The following MCF2L variants were observed in gnomAD, a reference collection of about 807,000 sequenced individuals.
MCF2L encodes the protein guanine nucleotide exchange factor DBS.
Under a neutral mutation model 153.4 loss-of-function variants are expected in MCF2L, and 97 were observed. The observed-to-expected ratio is 0.63, with a 90% CI of 0.54 to 0.75. MCF2L has a LOEUF of 0.75. Ranked by LOEUF, MCF2L falls within the 30% of genes least tolerant of loss-of-function variation. The pLI, the probability that MCF2L is intolerant of heterozygous loss-of-function variation, is 0.00. For synonymous variants in MCF2L, 659 were observed against 632.2 expected (o/e 1.04, Z -0.64); for missense variants, 1,347 against 1,495.2 (o/e 0.90, Z 1.64).
Position 113,091,297 on chromosome 13 carries a change from T to A in MCF2L, c.2953+1569T>A, listed in dbSNP as rs4907485. ...TCAAGGCCACCTAAGGGGGATGCTC[T>A]CGTGGGTCTTTATGCTGCGGAGGCA... On this transcript the variant is annotated intron_variant, in intron 26 of 29. Transcript: ENST00000535094. 60 of 1,027,924 alleles carry A rather than the reference T, an allele frequency of 5.8e-5. No homozygotes were observed. In the Admixed American group the frequency reaches 6.1e-4, roughly 10 times the overall value. 63.7% of individuals were successfully genotyped at this position (1,027,924 alleles called of 1,614,324 possible).
chr13:112,996,597 T>C (rs963776973), intron 1 of MCF2L, among the ~76,000 whole-genome samples: 2 of 152,204 alleles, frequency 1.3e-5, no homozygotes, highest in Admixed American at 1.3e-4. Context: ...TGCGTCTCCA[T>C]CTTTTCTCCA....
In MCF2L at chr13:112,979,495, A is replaced by G. The variant is rs1188157891; in HGVS notation, c.79+10037A>G. 2.1e-6 allele frequency: 3 copies of G among 1,440,330 alleles called. No individual in the cohort carries two copies. In the African/African-American group the frequency reaches 4.3e-5, roughly 21 times the overall value. 89.2% of individuals were successfully genotyped at this position (1,440,330 alleles called of 1,614,324 possible). A position where few individuals can be genotyped will look rare whatever the true frequency, so the allele number is the denominator to read the frequency against. On this transcript the variant is annotated intron_variant, in intron 1 of 29. Transcript: ENST00000535094. Reference sequence around the variant, plus strand: ...TTGTGAGTTGGCGAAGCCCAGAGTCACCAGGGTCCTGAGCACCTGTCTCTT... The same window carrying G: ...TTGTGAGTTGGCGAAGCCCAGAGTCGCCAGGGTCCTGAGCACCTGTCTCTT...
chr13:112,908,945 C>G (rs1020056431), intron 2 of MCF2L, among the ~76,000 whole-genome samples: 1 of 152,016 alleles, frequency 6.6e-6, no homozygotes, highest in Non-Finnish European at 1.5e-5. Flanking sequence ...AGGATTGTCT[C>G]GATCTCCTGA....
rs2086129352 is a variant in MCF2L at position 113,035,972 on chromosome 13, C to T, written c.279-9299C>T. 6.6e-6 allele frequency among the ~76,000 whole-genome samples: 1 copy of T among 152,166 alleles called. No individual in the cohort carries two copies. ...GACCTCAGCAGGTAGAGTATCATCT[C>T]CGTGGTACAGCAGGGGCCTGAGGGA... On this transcript the variant is annotated intron_variant, in intron 3 of 29. Transcript: ENST00000535094. This position sits in a 1 kb window ranked among gnomAD's most constrained non-coding sequence, Gnocchi z 4.4.
intron 1 of MCF2L, among the ~76,000 whole-genome samples, chr13:112,978,795 T>A (rs2082299692): frequency 6.6e-6 from 1 of 152,226 alleles, no homozygotes; most frequent in Non-Finnish European, 1.5e-5. Context: ...CCTGCCACCT[T>A]CTCTTCCTGT....
chr13:112,963,026 G>A (rs1253077750), intron 2 of MCF2L, among the ~76,000 whole-genome samples: 5 of 152,158 alleles, frequency 3.3e-5, no homozygotes, highest in Non-Finnish European at 7.3e-5. Flanking sequence ...GTGAGAACCT[G>A]TCTGGGCCTG....
Position 112,943,639 on chromosome 13 carries a change from C to T in MCF2L, c.169+41268C>T, listed in dbSNP as rs1013927633. On this transcript the variant is annotated intron_variant, in intron 2 of 29. Coordinates refer to the MCF2L transcript ENST00000375608. This position sits in a 1 kb window ranked among gnomAD's most constrained non-coding sequence, Gnocchi z 4.2. ...AGGAGGCGCGGGGGGCGGGACCTGC[C>T]GGCCAGTCCCTTACCCGGGGACAGA... 6.6e-6 allele frequency among the ~76,000 whole-genome samples: 1 copy of T among 152,146 alleles called. No individual in the cohort carries two copies. Among genetic ancestry groups the T allele is most frequent in the African/African-American group, 2.4e-5 (1 of 41,458 alleles).
At chr13:112,976,820 C>T (rs1375165024) in intron 1 of MCF2L, among the ~76,000 whole-genome samples, 5 of 152,194 alleles carry the variant, frequency 3.3e-5, no homozygotes, top group South Asian at 2.1e-4. Flanking sequence ...TCCTGGGCAG[C>T]GGGAAACCTG....
chr13:113,062,537 C>T (rs961249611), intron 5 of MCF2L, among the ~76,000 whole-genome samples: 3 of 152,096 alleles, frequency 2.0e-5, no homozygotes, highest in Admixed American at 2.0e-4. Context: ...ATCCATGCCA[C>T]AGGCTCCCCT....
At chr13:113,058,736 C>T (rs28427031) in intron 4 of MCF2L, among the ~76,000 whole-genome samples, 29 of 120,052 alleles carry the variant, frequency 2.4e-4, no homozygotes, top group South Asian at 8.6e-4. Flanking sequence ...GCTGTGTGGG[C>T]GCTGAGTGGG....
At chr13:112,962,125 GCACA>G (rs146004792) in intron 2 of MCF2L, among the ~76,000 whole-genome samples, 1 of 117,354 alleles carries the variant, frequency 8.5e-6, no homozygotes, top group Admixed American at 8.4e-5. Context: ...GCACATGCAT[GCACA>G]CACACACTTT....
chr13:112,952,328 C>T (rs1198284422), intron 2 of MCF2L, among the ~76,000 whole-genome samples: 1 of 152,222 alleles, frequency 6.6e-6, no homozygotes, highest in Non-Finnish European at 1.5e-5. Flanking sequence ...CCACCCCTCC[C>T]TCCAGCCAGG....
Position 113,054,968 on chromosome 13 carries a change from A to G in MCF2L, c.370-5625A>G, listed in dbSNP as rs902658405. 2.6e-5 allele frequency: 4 copies of G among 152,250 alleles called. No homozygotes were observed. Among genetic ancestry groups the G allele is most frequent in the African/African-American group, 7.2e-5 (3 of 41,468 alleles). The allele number at this position is 152,250 out of a possible 1,614,324, so 9.4% of individuals were successfully genotyped here. A position where few individuals can be genotyped will look rare whatever the true frequency, so the allele number is the denominator to read the frequency against. On this transcript the variant is annotated intron_variant, in intron 4 of 29. Transcript: ENST00000535094. The surrounding 1 kb of genome is among the most constrained non-coding windows in gnomAD (Gnocchi z 5.2). Reference sequence around the variant, plus strand: ...CTATAGGATTACTTTACTGTTGAGTAATTTACAAAAAGACTTGACAGCCTC... The same window carrying G: ...CTATAGGATTACTTTACTGTTGAGTGATTTACAAAAAGACTTGACAGCCTC...
At chr13:113,000,604 G>A (rs2083324138) in intron 1 of MCF2L, among the ~76,000 whole-genome samples, 1 of 152,236 alleles carries the variant, frequency 6.6e-6, no homozygotes, top group African/African-American at 2.4e-5. Context: ...GGCCTGGCGA[G>A]GCCACGCTTT....
rs748418171 is a variant in MCF2L, at chr13:113,024,695, C to G, written c.215C>G (p.Ala72Gly). 4 of 1,614,204 alleles carry G rather than the reference C, an allele frequency of 2.5e-6. No homozygotes were observed. The highest frequency in any genetic ancestry group is 3.4e-6 in the Non-Finnish European group (4 of 1,180,036). ...GTTATCACCTTCCCTGACTACCCGGCCTTCAGCGAGATTCCGGACAAGGAG... is the reference window on the plus strand; with the variant it reads ...GTTATCACCTTCCCTGACTACCCGGGCTTCAGCGAGATTCCGGACAAGGAG... Reference protein sequence around the residue: ...SPVITFPDYPAFSEIPDKEFQ... With the variant: ...SPVITFPDYPGFSEIPDKEFQ... Residue 72 changes from alanine (A) to glycine (G), a missense_variant, in exon 3 of 30, where the codon GCC (alanine) becomes GGC (glycine). Ala to Gly is a moderately conservative substitution (Grantham distance 60). This residue lies in a region of MCF2L where 820 missense variants were observed against 921.2 expected (regional missense o/e 0.89). Coordinates refer to ENST00000535094, the MANE Select transcript of MCF2L (RefSeq NM_001112732.3).
upstream of MCF2L, among the ~76,000 whole-genome samples, chr13:112,968,267 T>C (rs1277867339): frequency 7.9e-5 from 12 of 152,138 alleles, no homozygotes. Flanking sequence ...AAATACTGTT[T>C]CTTTAAGGAA....
At chr13:113,094,479 C>G (rs745704267) in intron 26 of MCF2L, 35 bp from the exon 27 acceptor site, 1 of 1,589,572 alleles carries the variant, frequency 6.3e-7, no homozygotes, top group South Asian at 1.2e-5. Flanking sequence ...CGGCTCATCA[C>G]CGGGGGGTCC....
At chr13:112,911,726 C>T (rs952167952) in intron 2 of MCF2L, among the ~76,000 whole-genome samples, 1 of 152,250 alleles carries the variant, frequency 6.6e-6, no homozygotes, top group South Asian at 2.1e-4. Context: ...ACAGAATACC[C>T]GGGACCTCAC....
In MCF2L at chr13:112,932,021, T is replaced by A. The variant is rs2081468996; in HGVS notation, c.169+29650T>A. On this transcript the variant is annotated intron_variant, in intron 2 of 29. Coordinates refer to the MCF2L transcript ENST00000375608. The surrounding 1 kb of genome is among the most constrained non-coding windows in gnomAD (Gnocchi z 4.6). ...GTCTCCCTTGCAGAAGAATTCCCCA[T>A]CCTTCATGTAGATGAGTTGTTGTCA... 6.6e-6 allele frequency among the ~76,000 whole-genome samples: 1 copy of A among 152,194 alleles called. No homozygotes were observed. Among genetic ancestry groups the A allele is most frequent in the Non-Finnish European group, 1.5e-5 (1 of 68,034 alleles).
Sources: allele counts gnomAD v4.1 joint callset (sites outside exome capture counted in the v4.1 genomes callset), GRCh38; gene constraint gnomAD v4.1.1; regional missense constraint gnomAD v4.1.1; non-coding constraint Gnocchi (gnomAD v3.1); transcripts MANE v1.5; gene names NCBI Gene and HGNC (gene_info 2026-07-23, HGNC 2026-07-21).